The following ASXL3 variants were observed in gnomAD, a reference collection of about 807,000 sequenced individuals.
ASXL3 encodes the protein putative Polycomb group protein ASXL3.
A neutral mutation model predicts 170.6 loss-of-function variants in ASXL3; 34 were observed. That is an observed-to-expected ratio of 0.20 (90% CI 0.15 to 0.27). ASXL3 has a LOEUF of 0.27. Among genes scored for constraint, ASXL3 ranks in the 10% least tolerant of loss-of-function variants. ASXL3 has a pLI of 1.00. For missense variants in ASXL3, 2,592 were observed against 2,695.3 expected, an observed-to-expected ratio of 0.96 and a Z score of 0.85; for synonymous variants, 1,002 against 989.1, an observed-to-expected ratio of 1.01 and a Z score of -0.24.
chr18:33,745,914 T>TCCCCCCCCCCCCCC lies in ASXL3; in HGVS notation c.6071_6072insCCCCCCCCCCCCCC (p.Ala2030ProfsTer55). On this transcript the variant is annotated frameshift_variant, in exon 12 of 12. Coordinates refer to ENST00000269197, the MANE Select transcript of ASXL3 (RefSeq NM_030632.3). LOFTEE classifies it high-confidence loss of function. ...TAGTACATCCGCCGCCGCCACCGCC[T>TCCCCCCCCCCCCCC]CCCCCTCCCCCTCCACCCTTGGCTT... 7.5e-7 allele frequency: 1 copy of TCCCCCCCCCCCCCC among 1,339,480 alleles called. No individual in the cohort carries two copies. The highest frequency in any genetic ancestry group is 1.0e-6 in the Non-Finnish European group (1 of 1,002,924). 83.0% of individuals were successfully genotyped at this position (1,339,480 alleles called of 1,614,324 possible). A position where few individuals can be genotyped will look rare whatever the true frequency, so the allele number is the denominator to read the frequency against.
intron 5 of ASXL3, among the ~76,000 whole-genome samples, 160 bp downstream of exon 5, chr18:33,661,897 T>A (rs77217311): frequency 2.0e-5 from 3 of 151,046 alleles, no homozygotes; most frequent in Non-Finnish European, 1.5e-5. Context: ...TAATCTGTGA[T>A]AAAAAAAAAC....
intron 8 of ASXL3, among the ~76,000 whole-genome samples, chr18:33,723,299 A>G (rs1183988752): frequency 1.3e-5 from 2 of 152,138 alleles, no homozygotes; most frequent in Non-Finnish European, 2.9e-5. Context: ...TTTGGAAAGA[A>G]TTCACCATTC....
At chr18:33,713,229 G>GTTTTT (rs1478922106) in intron 8 of ASXL3, among the ~76,000 whole-genome samples, 4,720 of 81,152 alleles carry the variant, frequency 0.058, 435 homozygotes, top group East Asian at 0.097. Flanking sequence ...CCACAAGAAG[G>GTTTTT]TTTTTTTTGT....
At chr18:33,589,273 G>A (rs1232351997) in intron 1 of ASXL3, among the ~76,000 whole-genome samples, 3 of 152,264 alleles carry the variant, frequency 2.0e-5, no homozygotes, top group South Asian at 2.1e-4. Context: ...TGTGTGTAGC[G>A]TAGTTTTGTG....
At position 33,738,573 on chromosome 18, in the gene ASXL3, C is replaced by T. The variant is rs2067588472; in HGVS notation, c.1169C>T (p.Ser390Phe). Residue 390 changes from serine (S) to phenylalanine (F), a missense_variant, in exon 11 of 12, where the codon TCT becomes TTT. This residue lies in a region of ASXL3 where 2,246 missense variants were observed against 2,219.6 expected (regional missense o/e 1.01). Transcript: ENST00000269197. ...GAQSSSSCGT[S>F]GLPVSAQTAL... ...CAAAGTAGTTCTTCATGTGGGACTT[C>T]TGGCCTTCCAGTTTCTGCACAGACA... 1 of 1,613,864 alleles carries T rather than the reference C, an allele frequency of 6.2e-7. No individual in the cohort carries two copies. Among genetic ancestry groups the T allele is most frequent in the Non-Finnish European group, 8.5e-7 (1 of 1,179,828 alleles).
rs547760762 is a variant in ASXL3 at position 33,697,688 on chromosome 18, A to G, written c.879+14120A>G. Among the ~76,000 whole-genome samples the G allele has an allele frequency of 1.0e-3, 158 of 151,976 alleles. 1 individual carries two copies. Among genetic ancestry groups the G allele is most frequent in the African/African-American group, 2.6e-3 (106 of 41,482 alleles). ...GTGGTTGTTGCCCAACCTCTGGGCA[A>G]TTTTCTCACACAGCTGATCAACATT... On this transcript the variant is annotated intron_variant, in intron 8 of 11. Coordinates refer to ENST00000269197, the MANE Select transcript of ASXL3 (RefSeq NM_030632.3).
intron 4 of ASXL3, among the ~76,000 whole-genome samples, chr18:33,659,763 T>C (rs974699332): frequency 3.9e-5 from 6 of 152,140 alleles, no homozygotes; most frequent in African/African-American, 1.4e-4. Flanking sequence ...AAACTGTTTC[T>C]TAGCTAGAAC....
At chr18:33,581,988 C>T (rs1568261757) in intron 1 of ASXL3, among the ~76,000 whole-genome samples, 1 of 152,082 alleles carries the variant, frequency 6.6e-6, no homozygotes, top group Non-Finnish European at 1.5e-5. Flanking sequence ...CTTTAGCCTC[C>T]TCCCCTCCCC....
Position 33,739,964 on chromosome 18 carries a change from G to C in ASXL3, c.2560G>C (p.Glu854Gln), listed in dbSNP as rs2067628496. Residue 854 changes from glutamate to glutamine, a missense_variant, in exon 11 of 12, where the codon GAA (glutamate) becomes CAA (glutamine). Physicochemically the swap from Glu to Gln is conservative, Grantham distance 29. This residue lies in a region of ASXL3 where 2,246 missense variants were observed against 2,219.6 expected (regional missense o/e 1.01). Coordinates refer to ENST00000269197, the MANE Select transcript of ASXL3 (RefSeq NM_030632.3). ...TEKPYPASIP[E>Q]LASTEMIKVK... ...GAAGCCCTACCCTGCTTCAATTCCAGAACTTGCTTCTACTGAAATGATAAA... is the reference window on the plus strand; with the variant it reads ...GAAGCCCTACCCTGCTTCAATTCCACAACTTGCTTCTACTGAAATGATAAA... 1 of 1,613,848 alleles carries C rather than the reference G, an allele frequency of 6.2e-7. No homozygotes were observed. Among genetic ancestry groups the C allele is most frequent in the Admixed American group, 1.7e-5 (1 of 60,000 alleles).
intron 4 of ASXL3, among the ~76,000 whole-genome samples, chr18:33,656,861 G>T (rs2066092775): frequency 6.6e-6 from 1 of 152,048 alleles, no homozygotes; most frequent in South Asian, 2.1e-4. Flanking sequence ...AAATAGCTTT[G>T]CTGACCTCCA....
chr18:33,674,281 A>G (rs949196689), intron 7 of ASXL3, among the ~76,000 whole-genome samples: 67 of 152,326 alleles, frequency 4.4e-4, no homozygotes, highest in African/African-American at 1.4e-3. Context: ...TGAGACTACC[A>G]TAGGTGTTAA....
At chr18:33,628,617 T>C (rs968002087) in intron 2 of ASXL3, among the ~76,000 whole-genome samples, 1 of 152,206 alleles carries the variant, frequency 6.6e-6, no homozygotes, top group Admixed American at 6.5e-5. Context: ...AGAAACTTAC[T>C]CTAAGGATCT....
intron 1 of ASXL3, chr18:33,605,806 C>T (rs1363853569): frequency 6.6e-6 from 1 of 152,428 alleles, no homozygotes; most frequent in African/African-American, 2.4e-5. Context: ...TCTCACCCTC[C>T]TCCTATCTGT....
intron 2 of ASXL3, chr18:33,616,544 G>C (rs1378810321): frequency 6.6e-6 from 1 of 152,118 alleles, no homozygotes; most frequent in Admixed American, 6.6e-5. Flanking sequence ...CAGTAATGCA[G>C]TAAGCATGGA....
chr18:33,732,655 G>T (rs2067471076), intron 9 of ASXL3, among the ~76,000 whole-genome samples: 1 of 152,010 alleles, frequency 6.6e-6, no homozygotes, highest in Non-Finnish European at 1.5e-5. Flanking sequence ...CAGGAGTGAA[G>T]ACCAGCCTAA....
rs1419990684 is a variant in ASXL3, at chr18:33,609,128, G to A, written c.137+1452G>A. 5 of 932,484 alleles carry A rather than the reference G, an allele frequency of 5.4e-6. No individual in the cohort carries two copies. The African/African-American group carries it at 7.1e-5, about 13-fold the overall frequency. The allele number at this position is 932,484 out of a possible 1,614,324, so 57.8% of individuals were successfully genotyped here. A position where few individuals can be genotyped will look rare whatever the true frequency, so the allele number is the denominator to read the frequency against. ...GTTAAAGGAGATCCTATTTTAACCC[G>A]GATGTCAGTTTAAGGAGTTAGGGAA... On this transcript the variant is annotated intron_variant, in intron 2 of 11. Coordinates refer to ENST00000269197, the MANE Select transcript of ASXL3 (RefSeq NM_030632.3).
chr18:33,700,303 G>A (rs895580474), intron 8 of ASXL3, among the ~76,000 whole-genome samples: 1 of 152,038 alleles, frequency 6.6e-6, no homozygotes, highest in Admixed American at 6.6e-5. Context: ...TGGTTATTGA[G>A]GCACTGGTGG....
chr18:33,705,631 C>T (rs1193646760), intron 8 of ASXL3, among the ~76,000 whole-genome samples: 1 of 151,730 alleles, frequency 6.6e-6, no homozygotes, highest in Non-Finnish European at 1.5e-5. Flanking sequence ...ATTATGAATG[C>T]CAAATGTTCC....
At chr18:33,638,074 C>A (rs1244190774) in intron 2 of ASXL3, among the ~76,000 whole-genome samples, 1 of 151,526 alleles carries the variant, frequency 6.6e-6, no homozygotes, top group Admixed American at 6.6e-5. Context: ...AATAAAGAGG[C>A]ATCTCAATTA....
Sources: allele counts gnomAD v4.1 joint callset (sites outside exome capture counted in the v4.1 genomes callset), GRCh38; gene constraint gnomAD v4.1.1; regional missense constraint gnomAD v4.1.1; transcripts MANE v1.5; gene names NCBI Gene and HGNC (gene_info 2026-07-23, HGNC 2026-07-21).